Variants in DSP observed in about 807,000 individuals in gnomAD.
DSP encodes the protein 250/210 kDa paraneoplastic pemphigus antigen.
In DSP, 114 loss-of-function variants were observed where a neutral mutation model predicts 290.6. The observed-to-expected ratio is 0.39, with a 90% CI of 0.34 to 0.46. The LOEUF (loss-of-function observed/expected upper bound fraction) is 0.46, where lower values mean the gene tolerates loss of function less well. DSP is among the 20% of genes least tolerant of loss of function. The probability of loss-of-function intolerance (pLI) is 0.99; values close to 1 mark genes in which losing one functional copy is unlikely to be tolerated. For synonymous variants in DSP, 1,311 were observed against 1,316.4 expected (o/e 1.00, Z 0.09); for missense variants, 3,230 against 3,495.8 (o/e 0.92, Z 1.92).
Position 7,558,885 on chromosome 6 carries a change from A to C in DSP, c.423-341A>C, listed in dbSNP as rs114380797. On this transcript the variant is annotated intron_variant, in intron 3 of 23. Transcript: ENST00000379802. ...GAGTTGGAAACAAAGACTATAAGGC[A>C]GAAAAATGTAGTCTGAATTTGTTCT... Among the ~76,000 whole-genome samples, 1,038 of 152,268 alleles carry C rather than the reference A, an allele frequency of 6.8e-3. 8 individuals are homozygous for C. The highest frequency in any genetic ancestry group is 0.024 in the African/African-American group (993 of 41,532).
intron 12 of DSP, 141 bp downstream of exon 12, chr6:7,569,481 G>T (rs1758977924): frequency 6.4e-6 from 8 of 1,251,430 alleles, no homozygotes; most frequent in Non-Finnish European, 9.2e-6. Flanking sequence ...ACCTTGTGAA[G>T]GTCACCTTCA....
chr6:7,558,079 A>G (rs1015483897), intron 2 of DSP, 37 bp from the exon 3 acceptor site: 2 of 1,613,442 alleles, frequency 1.2e-6, no homozygotes, highest in South Asian at 1.1e-5. Context: ...TCTTCCTGGT[A>G]GTATGTGTTT....
Position 7,583,394 on chromosome 6 carries a change from C to G in DSP, c.6132C>G (p.Ser2044=). The G allele has an allele frequency of 6.2e-7, 1 of 1,614,098 alleles. No individual in the cohort carries two copies. Among genetic ancestry groups the G allele is most frequent in the Non-Finnish European group, 8.5e-7 (1 of 1,180,034 alleles). Reference sequence around the variant, plus strand: ...GAAAGAAATTAATCAGCCCAGAATCCACAGTCATGCTTCTGGAGGCCCAGG... The same window carrying G: ...GAAAGAAATTAATCAGCCCAGAATCGACAGTCATGCTTCTGGAGGCCCAGG... ...AKRKKLISPE[S]TVMLLEAQAA... The change falls in exon 24 of 24, where the codon TCC becomes TCG. Residue 2044 remains serine, a synonymous_variant. Transcript: ENST00000379802. The surrounding 1 kb of genome is among the most constrained non-coding windows in gnomAD (Gnocchi z 4.0).
In DSP at chr6:7,581,474, C is replaced by T. The variant is rs766833113; in HGVS notation, c.5284C>T (p.Arg1762Trp). The T allele has an allele frequency of 3.1e-6, 5 of 1,613,262 alleles. No homozygotes were observed. Among genetic ancestry groups the T allele is most frequent in the Non-Finnish European group, 4.2e-6 (5 of 1,179,758 alleles). The change falls in exon 23 of 24, where the codon CGG becomes TGG. Residue 1762 changes from arginine to tryptophan, a missense_variant. Transcript: ENST00000379802. Reference protein sequence around the residue: ...LRSQLQISNNRTLELQGLIND... With the variant: ...LRSQLQISNNWTLELQGLIND... ...GAGCCAGCTGCAGATCAGCAACAAC[C>T]GGACCCTGGAACTGCAGGGGCTGAT...
Position 7,565,073 on chromosome 6 carries a change from G to A in DSP, c.778-286G>A, listed in dbSNP as rs993063627. ...GCAGGAGAATCGCTTAAACCCGGGA[G>A]GGGGAGGTTGCAGTGAACCGAGATC... On this transcript the variant is annotated intron_variant, in intron 6 of 23. Coordinates refer to ENST00000379802, the MANE Select transcript of DSP (RefSeq NM_004415.4). The surrounding 1 kb of genome is among the most constrained non-coding windows in gnomAD (Gnocchi z 4.2). 6.6e-6 allele frequency among the ~76,000 whole-genome samples: 1 copy of A among 152,160 alleles called. No homozygotes were observed. The highest frequency in any genetic ancestry group is 2.1e-4 in the South Asian group (1 of 4,820).
In DSP at chr6:7,580,025, G is replaced by A. The variant is rs763915365; in HGVS notation, c.3835G>A (p.Ala1279Thr). The A allele has an allele frequency of 2.4e-5, 38 of 1,614,010 alleles. No individual in the cohort carries two copies. The highest frequency in any genetic ancestry group is 3.1e-5 in the Non-Finnish European group (37 of 1,180,036). The change falls in exon 23 of 24, where the codon GCC (alanine) becomes ACC (threonine). Residue 1279 changes from alanine (A) to threonine (T), a missense_variant. Physicochemically the swap from Ala to Thr is moderately conservative, Grantham distance 58. Around this residue, in one of 5 missense-constraint regions of DSP, gnomAD observed 1,714 missense variants for 1,844.5 expected, o/e 0.93. Coordinates refer to ENST00000379802, the MANE Select transcript of DSP (RefSeq NM_004415.4). The surrounding 1 kb of genome is among the most constrained non-coding windows in gnomAD (Gnocchi z 4.2). ...RAEENALQQKACGSEIMQKKQ... is the reference protein window; with the variant it reads ...RAEENALQQKTCGSEIMQKKQ... ...TGAAGAAAACGCCCTTCAGCAAAAG[G>A]CCTGTGGCTCTGAGATAATGCAGAA...
At chr6:7,576,153 A>G (rs980749445) in intron 18 of DSP, 141 bp from the exon 19 acceptor site, 3 of 947,574 alleles carry the variant, frequency 3.2e-6, no homozygotes, top group East Asian at 2.6e-5. Context: ...AAGTGCTGCT[A>G]TGAACATTCA....
rs555514197 is a variant in DSP at position 7,579,730 on chromosome 6, A to G, written c.3540A>G (p.Glu1180=). 20 of 1,613,692 alleles carry G rather than the reference A, an allele frequency of 1.2e-5. No homozygotes were observed. Among genetic ancestry groups the G allele is most frequent in the Admixed American group, 5.0e-5 (3 of 59,990 alleles). The change falls in exon 23 of 24, where the codon GAA becomes GAG. Residue 1180 remains glutamate (E), a synonymous_variant. Coordinates refer to ENST00000379802, the MANE Select transcript of DSP (RefSeq NM_004415.4). The surrounding 1 kb of genome is among the most constrained non-coding windows in gnomAD (Gnocchi z 4.1). ...EIERLRVLLQ[E]EGTRKREYEN... ...AAAGGTTGAGGGTTCTACTGCAGGA[A>G]GAAGGCACCCGGAAGAGAGAATATG...
At position 7,586,009 on chromosome 6, in the gene DSP, C is replaced by A; in HGVS notation, c.*131C>A. 1 of 955,746 alleles carries A rather than the reference C, an allele frequency of 1.0e-6. No homozygotes were observed. Among genetic ancestry groups the A allele is most frequent in the Non-Finnish European group, 1.6e-6 (1 of 628,376 alleles). The allele number at this position is 955,746 out of a possible 1,614,324, so 59.2% of individuals were successfully genotyped here. ...CATTCTATGCTTACAGAAAATATAG[C>A]CATGATTGAAATCAAATAGTAAAGG... On this transcript the variant is annotated 3_prime_UTR_variant, in exon 24 of 24. Coordinates refer to ENST00000379802, the MANE Select transcript of DSP (RefSeq NM_004415.4).
At chr6:7,549,285 G>GA (rs1312832960) in intron 1 of DSP, among the ~76,000 whole-genome samples, 5 of 152,106 alleles carry the variant, frequency 3.3e-5, no homozygotes, top group Non-Finnish European at 7.3e-5. Context: ...GAGTAGCTGG[G>GA]ATTACAGGCA....
chr6:7,562,600 A>C, intron 4 of DSP, 52 bp from the exon 5 acceptor site: 1 of 1,612,440 alleles, frequency 6.2e-7, no homozygotes, highest in Non-Finnish European at 8.5e-7. Context: ...TAAGTGAAAC[A>C]GGTGCAAAGG....
At chr6:7,573,549 G>A (rs1759125971) in intron 15 of DSP, among the ~76,000 whole-genome samples, 1 of 151,356 alleles carries the variant, frequency 6.6e-6, no homozygotes, top group South Asian at 2.1e-4. Context: ...TTGCACTCCA[G>A]CCTGGGCGAC....
intron 15 of DSP, among the ~76,000 whole-genome samples, chr6:7,572,706 T>C (rs1046502509): frequency 6.6e-6 from 1 of 152,228 alleles, no homozygotes; most frequent in East Asian, 1.9e-4. Flanking sequence ...AACCTCTGTG[T>C]GATCAGTATG....
At chr6:7,573,885 G>C (rs1298138195) in intron 15 of DSP, among the ~76,000 whole-genome samples, 1 of 152,120 alleles carries the variant, frequency 6.6e-6, no homozygotes, top group Non-Finnish European at 1.5e-5. Context: ...TTGAAATTTT[G>C]CTGAGAGTAG....
rs1491156495 is a variant in DSP, at chr6:7,585,733, GGT to G, written c.8472_8473del (p.Ser2825ProfsTer26). 1.2e-6 allele frequency: 2 copies of G among 1,611,046 alleles called. No individual in the cohort carries two copies. Among genetic ancestry groups the G allele is most frequent in the Non-Finnish European group, 1.7e-6 (2 of 1,178,142 alleles). On this transcript the variant is annotated frameshift_variant, in exon 24 of 24. Transcript: ENST00000379802. LOFTEE classifies it high-confidence loss of function. ...CCTTACAACATGTCTTCGGCTCCGGGGTCCCGCTCCGGCTCCCGCTCGGGATC... is the reference window on the plus strand; with the variant it reads ...CCTTACAACATGTCTTCGGCTCCGGGCCCGCTCCGGCTCCCGCTCGGGATC...
Position 7,568,503 on chromosome 6 carries a change from A to G in DSP, c.1333A>G (p.Ile445Val), listed in dbSNP as rs934142779. The part of the protein sequence containing the change: ...VQNLVNKSKK[I>V]VQLKPRNPDY... ...GAACTTGGTAAACAAGTCTAAGAAG[A>G]TTGTACAGCTGAAGCCTCGTAACCC... Residue 445 changes from isoleucine (I) to valine (V), a missense_variant, in exon 11 of 24, where the codon ATT becomes GTT. By Grantham distance (29) the Ile-to-Val change is conservative. This residue lies in a region of DSP where 646 missense variants were observed against 684.3 expected (regional missense o/e 0.94). Transcript: ENST00000379802. The G allele has an allele frequency of 1.2e-6, 2 of 1,614,056 alleles. No individual in the cohort carries two copies. Among genetic ancestry groups the G allele is most frequent in the Non-Finnish European group, 1.7e-6 (2 of 1,180,030 alleles).
rs1413013227 is a variant in DSP, at chr6:7,579,215, C to G, written c.3085-60C>G. Reference sequence around the variant, plus strand: ...TTGGTCTGGGAGGGGAAAAGTACTGCTTCTTTCTTGGAATGTGAGGTGTTT... The same window carrying G: ...TTGGTCTGGGAGGGGAAAAGTACTGGTTCTTTCTTGGAATGTGAGGTGTTT... On this transcript the variant is annotated intron_variant, in intron 22 of 23. Transcript: ENST00000379802. This position sits in a 1 kb window ranked among gnomAD's most constrained non-coding sequence, Gnocchi z 4.1. 14 of 1,598,764 alleles carry G rather than the reference C, an allele frequency of 8.8e-6. No individual in the cohort carries two copies. The highest frequency in any genetic ancestry group is 1.7e-5 in the Admixed American group (1 of 58,148).
chr6:7,583,443 C>T lies in DSP; in HGVS notation c.6181C>T (p.Pro2061Ser), dbSNP rs1561702055. The change falls in exon 24 of 24, where the codon CCC becomes TCC. Residue 2061 changes from proline (P) to serine (S), a missense_variant. Coordinates refer to ENST00000379802, the MANE Select transcript of DSP (RefSeq NM_004415.4). This position sits in a 1 kb window ranked among gnomAD's most constrained non-coding sequence, Gnocchi z 4.0. ...GGCAGCTACAGGTGGTATAATTGATCCCCATCGGAATGAGAAGCTGACTGT... is the reference window on the plus strand; with the variant it reads ...GGCAGCTACAGGTGGTATAATTGATTCCCATCGGAATGAGAAGCTGACTGT... ...AQAATGGIID[P>S]HRNEKLTVDS... is the part of the protein sequence containing the mutation. 15 of 1,614,134 alleles carry T rather than the reference C, an allele frequency of 9.3e-6. No homozygotes were observed. The highest frequency in any genetic ancestry group is 1.3e-5 in the Non-Finnish European group (15 of 1,180,050).
rs766388963 is a variant in DSP at position 7,578,545 on chromosome 6, A to C, written c.3067A>C (p.Ser1023Arg). ...YYRFLSEMLK[S>R]LEDLKLKNTK... ...CAGGTTCTTAAGTGAGATGCTGAAG[A>C]GTTTGGAAGATCTGAAGGTAATTTA... The change falls in exon 22 of 24, where the codon AGT becomes CGT. Residue 1023 changes from serine (S) to arginine (R), a missense_variant. Physicochemically the swap from Ser to Arg is moderately radical, Grantham distance 110. This residue lies in a region of DSP where 1,714 missense variants were observed against 1,844.5 expected (regional missense o/e 0.93). Coordinates refer to ENST00000379802, the MANE Select transcript of DSP (RefSeq NM_004415.4). The C allele has an allele frequency of 2.5e-6, 4 of 1,613,704 alleles. No individual in the cohort carries two copies. The highest frequency in any genetic ancestry group is 3.4e-6 in the Non-Finnish European group (4 of 1,179,706).
Sources: allele counts gnomAD v4.1 joint callset (sites outside exome capture counted in the v4.1 genomes callset), GRCh38; gene constraint gnomAD v4.1.1; regional missense constraint gnomAD v4.1.1; non-coding constraint Gnocchi (gnomAD v3.1); transcripts MANE v1.5; gene names NCBI Gene and HGNC (gene_info 2026-07-23, HGNC 2026-07-21).